The following SMYD4 variants were observed in gnomAD, a reference collection of about 807,000 sequenced individuals.
The protein encoded by SMYD4 is SET and MYND domain containing 4.
SMYD4 carries 68 observed loss-of-function variants against 72.8 expected under a neutral mutation model. The ratio of observed to expected loss-of-function variants is 0.93; its 90% confidence interval spans 0.77 to 1.14. SMYD4 has a LOEUF of 1.14. Ranked by LOEUF, SMYD4 falls within the 50% of genes most tolerant of loss-of-function variation. SMYD4 has a pLI of 0.00. For missense variants in SMYD4, 984 were observed against 1,003.7 expected (o/e 0.98, Z 0.27); for synonymous variants, 407 against 388.6 (o/e 1.05, Z -0.56).
chr17:1,812,146 C>T (rs1056768631), intron 2 of SMYD4, 31 bp from the exon 3 acceptor site: 12 of 1,602,414 alleles, frequency 7.5e-6, no homozygotes, highest in Non-Finnish European at 1.0e-5. Flanking sequence ...ACAAAGTAAG[C>T]AGAAATGTGT....
rs531797134 is a variant in SMYD4 at position 1,784,986 on chromosome 17, A to C, written c.1885-525T>G. The stretch of plus-strand genomic sequence containing the variant: ...TTTTTTTTAGTAGAGACGGGGTTTC[A>C]CCGTGTAAGCCAGGATGGTCTCGAT... On this transcript the variant is annotated intron_variant, in intron 7 of 10. Transcript: ENST00000305513. Among the ~76,000 whole-genome samples the C allele has an allele frequency of 2.0e-5, 3 of 146,356 alleles. No homozygotes were observed. The East Asian group carries it at 6.5e-4, about 32-fold the overall frequency.
intron 2 of SMYD4, among the ~76,000 whole-genome samples, chr17:1,823,446 A>C (rs1163423902): frequency 1.3e-5 from 2 of 151,174 alleles, no homozygotes; most frequent in Admixed American, 6.6e-5. Flanking sequence ...TCTAAAGTTC[A>C]CATGGGGGAA....
intron 9 of SMYD4, 23 bp downstream of exon 9, chr17:1,783,337 G>T: frequency 6.2e-7 from 1 of 1,611,652 alleles, no homozygotes; most frequent in Non-Finnish European, 8.5e-7. Context: ...TCCCGACGCA[G>T]AACGTGAAGG....
chr17:1,813,854 AT>A (rs111916037), intron 2 of SMYD4, among the ~76,000 whole-genome samples: 7,366 of 152,314 alleles, frequency 0.048, 628 homozygotes, highest in African/African-American at 0.17. Context: ...CTAACAAAAA[AT>A]ATACCTATTT....
At chr17:1,801,715 G>A (rs1473093345) in intron 4 of SMYD4, among the ~76,000 whole-genome samples, 1 of 150,142 alleles carries the variant, frequency 6.7e-6, no homozygotes, top group Non-Finnish European at 1.5e-5. Context: ...GGTGGCTCAT[G>A]CCTGTAACCC....
Position 1,783,445 on chromosome 17 carries a change from C to G in SMYD4, c.2052G>C (p.Gln684His), listed in dbSNP as rs750855564. ...CCCACAGGAAGCTCTCGGCGTCACG[C>G]TGGCACCCCGACAGCCGCTGAACAG... ...ERAVQRLSGC[Q>H]RDAESFLWAE... The change falls in exon 9 of 11, where the codon CAG becomes CAC. Residue 684 changes from glutamine to histidine, a missense_variant. Gln to His is a conservative substitution (Grantham distance 24, BLOSUM62 0). Coordinates refer to ENST00000305513, the MANE Select transcript of SMYD4 (RefSeq NM_052928.3). 3.7e-6 allele frequency: 6 copies of G among 1,611,760 alleles called. No individual in the cohort carries two copies. Among genetic ancestry groups the G allele is most frequent in the South Asian group, 1.1e-5 (1 of 90,900 alleles).
At position 1,783,355 on chromosome 17, in the gene SMYD4, T is replaced by C. The variant is rs201775046; in HGVS notation, c.2137+5A>G. On this transcript the variant is annotated splice_donor_5th_base_variant and intron_variant, in intron 9 of 10. Coordinates refer to ENST00000305513, the MANE Select transcript of SMYD4 (RefSeq NM_052928.3). The stretch of plus-strand genomic sequence containing the variant: ...CGACGCAGAACGTGAAGGCTCATGC[T>C]GTACCTAAGGCAGCACAGGCCCGGG... 1.2e-6 allele frequency: 2 copies of C among 1,612,036 alleles called. No individual in the cohort carries two copies. Among genetic ancestry groups the C allele is most frequent in the Non-Finnish European group, 1.7e-6 (2 of 1,179,992 alleles).
rs763708434 is a variant in SMYD4, at chr17:1,784,389, G to A, written c.1957C>T (p.Arg653Trp). 22 of 1,614,172 alleles carry A rather than the reference G, an allele frequency of 1.4e-5. No homozygotes were observed. The highest frequency in any genetic ancestry group is 1.3e-4 in the East Asian group (6 of 44,886). Residue 653 changes from arginine (R) to tryptophan (W), a missense_variant, in exon 8 of 11, where the codon CGG becomes TGG. Arg to Trp is a moderately radical substitution (Grantham distance 101). Transcript: ENST00000305513. The stretch of plus-strand genomic sequence containing the variant: ...ACCTGCTGCTGTAGGTCCTGTAACC[G>A]AGAGACCAGGTGGTCCCTGCTGACG... ...SAVSRDHLVSRLQDLQQQVRV... is the reference protein window; with the variant it reads ...SAVSRDHLVSWLQDLQQQVRV...
In SMYD4 at chr17:1,800,689, G is replaced by A. The variant is rs774357295; in HGVS notation, c.705C>T (p.Ile235=). The change falls in exon 5 of 11, where the codon ATC becomes ATT. Residue 235 remains isoleucine (I), a synonymous_variant. Coordinates refer to ENST00000305513, the MANE Select transcript of SMYD4 (RefSeq NM_052928.3). ...NEQLSNASSS[I]GLCVDPLKGR... ...CTTTTAAAGGATCTACGCATAAGCC[G>A]ATGGATGATGAGGCATTGGAAAGTT... is the stretch of plus-strand genomic sequence containing the variant. 26 of 1,614,198 alleles carry A rather than the reference G, an allele frequency of 1.6e-5. No individual in the cohort carries two copies. The highest frequency in any genetic ancestry group is 8.3e-5 in the Admixed American group (5 of 60,012).
chr17:1,792,449 C>T (rs1909100499), intron 5 of SMYD4, among the ~76,000 whole-genome samples: 1 of 152,104 alleles, frequency 6.6e-6, no homozygotes, highest in South Asian at 2.1e-4. Flanking sequence ...GAGATGGAGA[C>T]CACCTTGCTA....
chr17:1,818,037 ACT>A (rs1225562987), intron 2 of SMYD4, among the ~76,000 whole-genome samples: 1 of 105,518 alleles, frequency 9.5e-6, no homozygotes, highest in Non-Finnish European at 1.9e-5. Context: ...ATGGAGCAAG[ACT>A]CTGTCTCAAA....
At chr17:1,789,559 T>A (rs1317773818) in intron 5 of SMYD4, among the ~76,000 whole-genome samples, 6 of 151,258 alleles carry the variant, frequency 4.0e-5, no homozygotes, top group South Asian at 4.2e-4. Context: ...AGGTCAGGAG[T>A]TCAACACCAG....
At chr17:1,804,230 G>A (rs1423132673) in intron 4 of SMYD4, 4 of 205,492 alleles carry the variant, frequency 1.9e-5, no homozygotes, top group Non-Finnish European at 3.0e-5. Context: ...GAGTGCAGTG[G>A]TGCGATCTCG....
Position 1,799,958 on chromosome 17 carries a change from G to A in SMYD4, c.1436C>T (p.Pro479Leu), listed in dbSNP as rs1909620569. Residue 479 changes from proline to leucine, a missense_variant, in exon 5 of 11, where the codon CCT (proline) becomes CTT (leucine). Physicochemically the swap from Pro to Leu is moderately conservative, Grantham distance 98. Transcript: ENST00000305513. ...NSSQLKAAVTPELCPDVTIWG... is the reference protein window; with the variant it reads ...NSSQLKAAVTLELCPDVTIWG... ...AATAGTCACGTCAGGACACAATTCA[G>A]GTGTCACTGCTGCTTTAAGCTGAGA... The A allele has an allele frequency of 6.2e-7, 1 of 1,614,086 alleles. No individual in the cohort carries two copies. The highest frequency in any genetic ancestry group is 1.7e-5 in the Admixed American group (1 of 59,994).
At chr17:1,827,417 C>T (rs894915756) in intron 2 of SMYD4, among the ~76,000 whole-genome samples, 4 of 150,666 alleles carry the variant, frequency 2.7e-5, no homozygotes, top group East Asian at 1.9e-4. Flanking sequence ...CACAATCTAG[C>T]GGCAAAGGCA....
chr17:1,818,653 T>A lies in SMYD4; in HGVS notation c.135-6538A>T, dbSNP rs1337972334. Among the ~76,000 whole-genome samples the A allele has an allele frequency of 2.0e-5, 3 of 152,228 alleles. No individual in the cohort carries two copies. In the East Asian group the frequency reaches 5.8e-4, roughly 29 times the overall value. On this transcript the variant is annotated intron_variant, in intron 2 of 10. Transcript: ENST00000305513. ...TCTTTTTAGATAGTGGTATAATTTT[T>A]AAATTTATTTTTAATTTTTTTTTCG...
intron 2 of SMYD4, among the ~76,000 whole-genome samples, chr17:1,815,157 G>A (rs1289274938): frequency 4.6e-5 from 7 of 151,530 alleles, no homozygotes; most frequent in East Asian, 3.9e-4. Flanking sequence ...TCTGCCTTCC[G>A]GGTTCAAGTG....
chr17:1,815,222 C>T (rs1026308724), intron 2 of SMYD4, among the ~76,000 whole-genome samples: 3 of 151,868 alleles, frequency 2.0e-5, no homozygotes, highest in African/African-American at 7.3e-5. Flanking sequence ...CGCCACCACA[C>T]CCAGCTAATT....
intron 3 of SMYD4, among the ~76,000 whole-genome samples, chr17:1,807,298 C>G (rs7219095): frequency 1.3e-5 from 2 of 151,228 alleles, no homozygotes; most frequent in Non-Finnish European, 2.9e-5. Context: ...TTTAATGGAA[C>G]GCCATGTAGC....
Sources: gnomAD v4.1 joint callset for allele counts (sites outside exome capture counted in the v4.1 genomes callset) on GRCh38, gnomAD v4.1.1 for gene constraint, MANE v1.5 for transcripts, NCBI Gene and HGNC (gene_info 2026-07-23, HGNC 2026-07-21) for gene names.